RTN1: variants seen among roughly 807,000 people sequenced by gnomAD.
RTN1 encodes reticulon-1.
RTN1 carries 25 observed loss-of-function variants against 65.5 expected under a neutral mutation model. The observed-to-expected ratio is 0.38, with a 90% CI of 0.28 to 0.53. The LOEUF (loss-of-function observed/expected upper bound fraction) is 0.53. Ranked by LOEUF, RTN1 falls within the 20% of genes least tolerant of loss-of-function variation. The pLI, the probability that RTN1 is intolerant of heterozygous loss-of-function variation, is 0.79. For missense variants in RTN1, 983 were observed against 1,025.4 expected (o/e 0.96, Z 0.57); for synonymous variants, 471 against 447.6 (o/e 1.05, Z -0.66).
At chr14:59,627,290 GGTGGAGCA>G (rs1188918435) in intron 3 of RTN1, among the ~76,000 whole-genome samples, 1 of 152,220 alleles carries the variant, frequency 6.6e-6, no homozygotes, top group Non-Finnish European at 1.5e-5. Context: ...AGCGGCAGAA[GGTGGAGCA>G]GTGGGAAGTG....
At chr14:59,640,419 C>T (rs1248876744) in intron 3 of RTN1, among the ~76,000 whole-genome samples, 2 of 152,148 alleles carry the variant, frequency 1.3e-5, no homozygotes, top group Non-Finnish European at 2.9e-5. Flanking sequence ...CAGGTTCAAG[C>T]GATTCTCCTG....
At position 59,857,367 on chromosome 14, in the gene RTN1, TC is replaced by T. The variant is rs1258600777; in HGVS notation, c.241+13022del. Among the ~76,000 whole-genome samples, 3 of 152,176 alleles carry T rather than the reference TC, an allele frequency of 2.0e-5. No individual in the cohort carries two copies. The East Asian group carries it at 5.8e-4, about 29-fold the overall frequency. On this transcript the variant is annotated intron_variant, in intron 1 of 8. Coordinates refer to ENST00000267484, the MANE Select transcript of RTN1 (RefSeq NM_021136.3). ...TATCTACAGTTGCCAAGTAGAAATT[TC>T]CATTCAAATGGCTTGTCATTATTTC...
Position 59,870,503 on chromosome 14 carries a change from T to C in RTN1, c.128A>G (p.Gln43Arg). 1 of 1,456,230 alleles carries C rather than the reference T, an allele frequency of 6.9e-7. No individual in the cohort carries two copies. The highest frequency in any genetic ancestry group is 9.0e-7 in the Non-Finnish European group (1 of 1,110,504). The allele number at this position is 1,456,230 out of a possible 1,614,324, so 90.2% of individuals were successfully genotyped here. Residue 43 changes from glutamine (Q) to arginine (R), a missense_variant, in exon 1 of 9, where the codon CAG becomes CGG. Transcript: ENST00000267484. The surrounding 1 kb of genome is among the most constrained non-coding windows in gnomAD (Gnocchi z 5.1). Reference protein sequence around the residue: ...VTPKGATPAPQAGEPSPGLGA... With the variant: ...VTPKGATPAPRAGEPSPGLGA... ...CAACCCCGGGCTGGGCTCCCCAGCC[T>C]GCGGCGCCGGCGTGGCCCCTTTCGG...
At chr14:59,667,952 G>T (rs1883416122) in intron 3 of RTN1, among the ~76,000 whole-genome samples, 1 of 152,170 alleles carries the variant, frequency 6.6e-6, no homozygotes, top group South Asian at 2.1e-4. Flanking sequence ...CGAAATAAAA[G>T]AGGACACGAA....
At chr14:59,714,524 G>C (rs180903536) in intron 3 of RTN1, among the ~76,000 whole-genome samples, 7 of 152,204 alleles carry the variant, frequency 4.6e-5, no homozygotes, top group African/African-American at 1.4e-4. Context: ...CATCCCCTTG[G>C]TCTAGAGCCT....
At chr14:59,731,370 G>A (rs1052074046) in intron 2 of RTN1, among the ~76,000 whole-genome samples, 1 of 152,136 alleles carries the variant, frequency 6.6e-6, no homozygotes, top group African/African-American at 2.4e-5. Context: ...AAAAGGGGGT[G>A]CAGGGTTTCT....
In RTN1 at chr14:59,746,150, T is replaced by C. The variant is rs755496400; in HGVS notation, c.573A>G (p.Ala191=). ...TTATGTCAATGTATTTATAGGCCTCTGCTTTCATCTGGTCCAGAGGGTCTG... is the reference window on the plus strand; with the variant it reads ...TTATGTCAATGTATTTATAGGCCTCCGCTTTCATCTGGTCCAGAGGGTCTG... ...ILADPLDQMK[A]EAYKYIDITR... Residue 191 remains alanine, a synonymous_variant, in exon 2 of 9, where the codon GCA becomes GCG. Transcript: ENST00000267484. 1.2e-6 allele frequency: 2 copies of C among 1,606,952 alleles called. No homozygotes were observed. Among genetic ancestry groups the C allele is most frequent in the South Asian group, 2.2e-5 (2 of 89,562 alleles).
chr14:59,724,739 A>C (rs1438659310), intron 3 of RTN1, among the ~76,000 whole-genome samples: 8 of 146,638 alleles, frequency 5.5e-5, no homozygotes, highest in East Asian at 2.0e-4. Flanking sequence ...AAAAAAAAAA[A>C]CAGCCTGGGG....
At chr14:59,706,928 C>G (rs568476323) in intron 3 of RTN1, among the ~76,000 whole-genome samples, 2 of 152,206 alleles carry the variant, frequency 1.3e-5, no homozygotes, top group East Asian at 3.9e-4. Context: ...TATTCAATCC[C>G]CTTGATGGGT....
At chr14:59,605,013 A>AT (rs1881697951) in intron 5 of RTN1, 1 of 162,020 alleles carries the variant, frequency 6.2e-6, no homozygotes, top group Non-Finnish European at 1.3e-5. Flanking sequence ...CCCTATCTAG[A>AT]TTTTTTATCT....
At chr14:59,749,495 ATATATCTATATATAG>A (rs1437052180) in intron 1 of RTN1, among the ~76,000 whole-genome samples, 1 of 74,052 alleles carries the variant, frequency 1.4e-5, no homozygotes, top group African/African-American at 7.3e-5. Context: ...ATATATCTAT[ATATATCTATATATAG>A]ATATCTATAT....
chr14:59,747,478 G>T (rs959728651), intron 1 of RTN1, among the ~76,000 whole-genome samples: 2 of 152,132 alleles, frequency 1.3e-5, no homozygotes, highest in African/African-American at 2.4e-5. Flanking sequence ...GCGTGTTGGC[G>T]CATGCCTGTA....
At chr14:59,704,443 C>G (rs1051574410) in intron 3 of RTN1, among the ~76,000 whole-genome samples, 3 of 152,128 alleles carry the variant, frequency 2.0e-5, no homozygotes, top group African/African-American at 7.2e-5. Context: ...GGTCTGCCAT[C>G]AGGGGAAGGG....
At chr14:59,764,944 T>C (rs1222275769) in intron 1 of RTN1, among the ~76,000 whole-genome samples, 1 of 152,204 alleles carries the variant, frequency 6.6e-6, no homozygotes, top group Non-Finnish European at 1.5e-5. Flanking sequence ...TGTCAGCAAT[T>C]CTTTTGCTAT....
At chr14:59,749,821 T>TTA (rs533070517) in intron 1 of RTN1, among the ~76,000 whole-genome samples, 2 of 107,390 alleles carry the variant, frequency 1.9e-5, no homozygotes, top group East Asian at 2.5e-4. Flanking sequence ...ATATGTATAT[T>TTA]TATATATATC....
intron 3 of RTN1, among the ~76,000 whole-genome samples, chr14:59,621,713 C>T (rs1439781578): frequency 6.6e-6 from 1 of 152,164 alleles, no homozygotes; most frequent in Non-Finnish European, 1.5e-5. Flanking sequence ...TGTCAAATTT[C>T]TAGAAAGAAA....
At chr14:59,739,381 A>C (rs138531598) in intron 2 of RTN1, among the ~76,000 whole-genome samples, 7 of 152,254 alleles carry the variant, frequency 4.6e-5, no homozygotes, top group African/African-American at 1.7e-4. Flanking sequence ...TCTCTACTAA[A>C]AATACAAAAA....
intron 3 of RTN1, among the ~76,000 whole-genome samples, chr14:59,677,259 C>T (rs9972162): frequency 0.032 from 4,905 of 152,262 alleles, 245 homozygotes; most frequent in African/African-American, 0.11. Context: ...TAAAAAGCAA[C>T]GTGAGTTTTA....
intron 3 of RTN1, among the ~76,000 whole-genome samples, chr14:59,720,445 G>A (rs1475417779): frequency 2.0e-5 from 3 of 152,142 alleles, no homozygotes; most frequent in African/African-American, 7.2e-5. Context: ...AGGTGGGCTG[G>A]TTGCAGTGGC....
Sources: gnomAD v4.1 joint callset for allele counts (sites outside exome capture counted in the v4.1 genomes callset) on GRCh38, gnomAD v4.1.1 for gene constraint, Gnocchi (gnomAD v3.1) non-coding constraint, MANE v1.5 for transcripts, NCBI Gene and HGNC (gene_info 2026-07-23, HGNC 2026-07-21) for gene names.